Variants in NEGR1 observed in about 807,000 individuals in gnomAD.
The protein encoded by NEGR1 is neuronal growth regulator 1.
NEGR1 carries 10 observed loss-of-function variants against 40.9 expected under a neutral mutation model. The observed-to-expected ratio is 0.24, with a 90% CI of 0.15 to 0.42. The LOEUF (loss-of-function observed/expected upper bound fraction) is 0.42, where lower values mean the gene tolerates loss of function less well. Ranked by LOEUF, NEGR1 falls within the 10% of genes least tolerant of loss-of-function variation. The probability of loss-of-function intolerance (pLI) is 1.00; values close to 1 mark genes in which losing one functional copy is unlikely to be tolerated. For synonymous variants in NEGR1, 185 were observed against 166.8 expected, an observed-to-expected ratio of 1.11 and a Z score of -0.84; for missense variants, 352 against 438.9, an observed-to-expected ratio of 0.80 and a Z score of 1.77.
intron 4 of NEGR1, among the ~76,000 whole-genome samples, chr1:71,637,418 A>T (rs1651190551): frequency 1.3e-5 from 2 of 151,986 alleles, no homozygotes; most frequent in Non-Finnish European, 2.9e-5. Context: ...CCTAATATAA[A>T]ATTAAAGGAG....
At chr1:72,152,895 A>G (rs1166212543) in intron 1 of NEGR1, among the ~76,000 whole-genome samples, 2 of 151,958 alleles carry the variant, frequency 1.3e-5, no homozygotes, top group East Asian at 3.8e-4. Context: ...AAAACTAAAT[A>G]CCATGTGTTC....
At chr1:71,823,203 A>ATT (rs35710660) in intron 2 of NEGR1, among the ~76,000 whole-genome samples, 1,424 of 140,556 alleles carry the variant, frequency 0.01, 28 homozygotes, top group East Asian at 0.062. Context: ...TTTCTGCATC[A>ATT]TTTTTTTTTT....
chr1:71,676,870 C>T (rs532699845), intron 4 of NEGR1, among the ~76,000 whole-genome samples: 7 of 152,284 alleles, frequency 4.6e-5, no homozygotes, highest in Middle Eastern at 3.4e-3. Flanking sequence ...TGATAAATGT[C>T]ATGACTGGCA....
intron 6 of NEGR1, among the ~76,000 whole-genome samples, chr1:71,565,335 T>C (rs1026366906): frequency 1.1e-4 from 17 of 152,204 alleles, no homozygotes; most frequent in African/African-American, 3.9e-4. Flanking sequence ...TGCTTGGGTA[T>C]GCTTCTATGT....
intron 1 of NEGR1, among the ~76,000 whole-genome samples, chr1:72,152,039 T>C (rs1360450801): frequency 2.6e-5 from 4 of 151,836 alleles, no homozygotes; most frequent in Non-Finnish European, 1.5e-5. Context: ...TGAACACATA[T>C]GGAATACTGC....
At chr1:71,448,405 C>T (rs1483435183) in intron 6 of NEGR1, among the ~76,000 whole-genome samples, 2 of 152,112 alleles carry the variant, frequency 1.3e-5, no homozygotes, top group African/African-American at 4.8e-5. Flanking sequence ...TCAAGACCAG[C>T]CTGGCCAAGA....
At chr1:72,026,668 T>C (rs1031139374) in intron 1 of NEGR1, among the ~76,000 whole-genome samples, 2 of 152,068 alleles carry the variant, frequency 1.3e-5, no homozygotes, top group East Asian at 3.9e-4. Flanking sequence ...GGCCACCAAC[T>C]GCATAACTAC....
intron 1 of NEGR1, among the ~76,000 whole-genome samples, chr1:71,948,418 T>C (rs953070891): frequency 7.2e-5 from 11 of 152,104 alleles, no homozygotes; most frequent in Non-Finnish European, 1.2e-4. Flanking sequence ...TATATCTTTA[T>C]GATCAACTCT....
At chr1:71,765,109 C>A (rs532731324) in intron 3 of NEGR1, among the ~76,000 whole-genome samples, 33 of 152,224 alleles carry the variant, frequency 2.2e-4, no homozygotes, top group Admixed American at 2.2e-3. Flanking sequence ...ACCATTACAA[C>A]TGAGAAGTAT....
intron 2 of NEGR1, among the ~76,000 whole-genome samples, chr1:71,841,204 A>G (rs527456297): frequency 2.6e-5 from 4 of 152,308 alleles, no homozygotes; most frequent in African/African-American, 9.6e-5. Flanking sequence ...TGAGAAGAGG[A>G]TAATATAAAA....
At position 71,666,194 on chromosome 1, in the gene NEGR1, C is replaced by T. The variant is rs540241341; in HGVS notation, c.667+31814G>A. Among the ~76,000 whole-genome samples the T allele has an allele frequency of 2.0e-5, 3 of 152,258 alleles. No homozygotes were observed. In the South Asian group the frequency reaches 6.2e-4, roughly 32 times the overall value. ...TCACTCAAGAACATTATATATGACT[C>T]ACTTGCAAGTGATAGTTCTATTTTT... On this transcript the variant is annotated intron_variant, in intron 4 of 6. Transcript: ENST00000357731.
chr1:72,263,223 CAA>C (rs1398881546), intron 1 of NEGR1, among the ~76,000 whole-genome samples: 2 of 151,228 alleles, frequency 1.3e-5, no homozygotes, highest in Non-Finnish European at 3.0e-5. Context: ...TTTGTAGAAA[CAA>C]AAGTCTTTCT....
intron 6 of NEGR1, among the ~76,000 whole-genome samples, chr1:71,438,847 T>C (rs1351390650): frequency 6.6e-6 from 1 of 152,160 alleles, no homozygotes; most frequent in East Asian, 1.9e-4. Flanking sequence ...CTGGCAAGTC[T>C]CACTGGCCAG....
intron 4 of NEGR1, among the ~76,000 whole-genome samples, chr1:71,617,499 T>C (rs1156245595): frequency 6.6e-6 from 1 of 152,224 alleles, no homozygotes; most frequent in Non-Finnish European, 1.5e-5. Context: ...GCTGCAGGAC[T>C]ATTCAAGCCT....
chr1:72,258,846 T>A (rs1229777537), intron 1 of NEGR1, among the ~76,000 whole-genome samples: 1 of 152,122 alleles, frequency 6.6e-6, no homozygotes, highest in Non-Finnish European at 1.5e-5. Flanking sequence ...AAAGGAACAA[T>A]ATATAGGAGC....
chr1:71,452,469 T>C (rs1646635793), intron 6 of NEGR1, among the ~76,000 whole-genome samples: 1 of 152,174 alleles, frequency 6.6e-6, no homozygotes, highest in Non-Finnish European at 1.5e-5. Flanking sequence ...GATAAAAGGA[T>C]TGTTTCTAGA....
chr1:71,929,243 CT>C (rs1388738175), intron 2 of NEGR1, among the ~76,000 whole-genome samples: 1 of 152,098 alleles, frequency 6.6e-6, no homozygotes, highest in East Asian at 1.9e-4. Flanking sequence ...AACAAGTTAT[CT>C]TTTTTCATTT....
intron 3 of NEGR1, among the ~76,000 whole-genome samples, chr1:71,762,942 C>T (rs1012711546): frequency 6.6e-6 from 1 of 151,308 alleles, no homozygotes; most frequent in Non-Finnish European, 1.5e-5. Context: ...AAAGAATTGC[C>T]AGAAAAAGTT....
chr1:72,123,171 T>G (rs1649868623), intron 1 of NEGR1, among the ~76,000 whole-genome samples: 1 of 151,994 alleles, frequency 6.6e-6, no homozygotes, highest in Non-Finnish European at 1.5e-5. Flanking sequence ...TTTCTGTCTG[T>G]GTTCATTTTC....
Sources: allele counts gnomAD v4.1 joint callset (sites outside exome capture counted in the v4.1 genomes callset), GRCh38; gene constraint gnomAD v4.1.1; transcripts MANE v1.5; gene names NCBI Gene and HGNC (gene_info 2026-07-23, HGNC 2026-07-21).